Variants in ARHGDIA observed in about 807,000 individuals in gnomAD.
The protein encoded by ARHGDIA is rho GDP-dissociation inhibitor 1.
A neutral mutation model predicts 25.0 loss-of-function variants in ARHGDIA; 9 were observed. The ratio of observed to expected loss-of-function variants is 0.36; its 90% CI spans 0.22 to 0.63. ARHGDIA has a LOEUF of 0.63. Among genes scored for constraint, ARHGDIA ranks in the 20% least tolerant of loss-of-function variants. The pLI, the probability that ARHGDIA is intolerant of heterozygous loss-of-function variation, is 0.69. For synonymous variants in ARHGDIA, 166 were observed against 111.5 expected, an observed-to-expected ratio of 1.49 and a Z score of -3.08; for missense variants, 239 against 264.3, an observed-to-expected ratio of 0.90 and a Z score of 0.66.
chr17:81,867,960 C>G lies in ARHGDIA; in HGVS notation c.*916G>C, dbSNP rs907776367. ...CCAGGCCAGTGGCCCAGGGACGGCA[C>G]GGACGGAGGCAATAAATACTGATGG... is the stretch of plus-strand genomic sequence containing the variant. On this transcript the variant is annotated 3_prime_UTR_variant, in exon 6 of 6. Transcript: ENST00000269321. 6.0e-6 allele frequency: 1 copy of G among 166,900 alleles called. No homozygotes were observed. The highest frequency in any genetic ancestry group is 2.4e-5 in the African/African-American group (1 of 41,940). 10.3% of individuals were successfully genotyped at this position (166,900 alleles called of 1,614,324 possible).
chr17:81,869,697 T>C lies in ARHGDIA; in HGVS notation c.190+44A>G, dbSNP rs1227602980. 1.9e-6 allele frequency: 3 copies of C among 1,581,428 alleles called. No homozygotes were observed. The Admixed American group carries it at 5.4e-5, about 28-fold the overall frequency. On this transcript the variant is annotated intron_variant, in intron 2 of 5. Coordinates refer to ENST00000269321, the MANE Select transcript of ARHGDIA (RefSeq NM_004309.6). ...AGGGGCTGGGGAGCGGCAAGACAGC[T>C]GGAGTGAACGGGCGGCCACCCGGCT...
Position 81,868,884 on chromosome 17 carries a change from TC to T in ARHGDIA, c.606del (p.Trp202Ter). 6.2e-7 allele frequency: 1 copy of T among 1,613,274 alleles called. No homozygotes were observed. The highest frequency in any genetic ancestry group is 8.5e-7 in the Non-Finnish European group (1 of 1,179,860). ...WEWNLTIKKD[W>X]KD ...CCCGCCTCTGGCTGGGCTCAGTCCT[TC>T]CAGTCCTTCTTGATGGTGAGATTCC... On this transcript the variant is annotated frameshift_variant, in exon 6 of 6. Coordinates refer to ENST00000269321, the MANE Select transcript of ARHGDIA (RefSeq NM_004309.6). LOFTEE classifies it high-confidence loss of function.
chr17:81,869,273 C>T, intron 4 of ARHGDIA, 37 bp from the exon 5 acceptor site: 1 of 1,614,088 alleles, frequency 6.2e-7, no homozygotes. Flanking sequence ...GAAGGTCGGT[C>T]CGGACCCCAG....
Position 81,869,851 on chromosome 17 carries a change from T to C in ARHGDIA, c.80A>G (p.Tyr27Cys). The change falls in exon 2 of 6, where the codon TAC (tyrosine) becomes TGC (cysteine). Residue 27 changes from tyrosine to cysteine, a missense_variant. This residue lies in a region of ARHGDIA where 135 missense variants were observed against 119.8 expected (regional missense o/e 1.13). Transcript: ENST00000269321. ...ENEEDEHSVN[Y>C]KPPAQKSIQE... ...GATGCTCTTCTGGGCCGGGGGCTTG[T>C]AGTTGACCGAGTGCTCATCCTCCTC... 6.2e-7 allele frequency: 1 copy of C among 1,614,116 alleles called. No individual in the cohort carries two copies. Among genetic ancestry groups the C allele is most frequent in the Non-Finnish European group, 8.5e-7 (1 of 1,180,018 alleles).
chr17:81,869,139 C>CG, intron 5 of ARHGDIA, 34 bp downstream of exon 5: 5 of 1,613,060 alleles, frequency 3.1e-6, no homozygotes, highest in Non-Finnish European at 3.4e-6. Context: ...CGCACCCAAG[C>CG]GGCCCCCTCT....
intron 1 of ARHGDIA, 34 bp downstream of exon 1, chr17:81,871,264 G>A: frequency 7.3e-6 from 1 of 137,064 alleles, no homozygotes; most frequent in East Asian, 2.4e-4. Context: ...CGCCGCCTCC[G>A]CCCCGCCGCC....
In ARHGDIA at chr17:81,869,341, T is replaced by C; in HGVS notation, c.340A>G (p.Ile114Val). 2 of 1,613,838 alleles carry C rather than the reference T, an allele frequency of 1.2e-6. No individual in the cohort carries two copies. The highest frequency in any genetic ancestry group is 1.1e-5 in the South Asian group (1 of 91,074). ...LKEGVEYRIK[I>V]SFRVNREIVS... Reference sequence around the variant, plus strand: ...AGCCTGTAGCTTACCCGGAAAGAGATTTTTATCCGGTACTCCACACCCTCC... The same window carrying C: ...AGCCTGTAGCTTACCCGGAAAGAGACTTTTATCCGGTACTCCACACCCTCC... The change falls in exon 4 of 6, where the codon ATC becomes GTC. Residue 114 changes from isoleucine to valine, a missense_variant. By Grantham distance (29) the Ile-to-Val change is conservative. Around this residue, in one of 3 missense-constraint regions of ARHGDIA, gnomAD observed 75 missense variants for 122.4 expected, o/e 0.61. Transcript: ENST00000269321.
intron 5 of ARHGDIA, 28 bp from the exon 6 acceptor site, chr17:81,869,103 C>T: frequency 1.2e-6 from 2 of 1,612,522 alleles, no homozygotes; most frequent in South Asian, 1.1e-5. Context: ...GGGCGGTCAG[C>T]GGCCCCGCTT....
In ARHGDIA at chr17:81,869,228, T is replaced by C. The variant is rs907672631; in HGVS notation, c.360A>G (p.Arg120=). 6.2e-7 allele frequency: 1 copy of C among 1,613,878 alleles called. No homozygotes were observed. The highest frequency in any genetic ancestry group is 1.7e-5 in the Admixed American group (1 of 60,006). The part of the protein sequence containing the change: ...YRIKISFRVN[R]EIVSGMKYIQ... ...TGTACTTCATGCCGGACACTATCTCTCGGTTAACCTGCAGGACCCGAAGCG... is the reference window on the plus strand; with the variant it reads ...TGTACTTCATGCCGGACACTATCTCCCGGTTAACCTGCAGGACCCGAAGCG... Residue 120 remains arginine (R), a synonymous_variant, in exon 5 of 6, where the codon CGA becomes CGG. Coordinates refer to ENST00000269321, the MANE Select transcript of ARHGDIA (RefSeq NM_004309.6).
rs1312161834 is a variant in ARHGDIA at position 81,868,716 on chromosome 17, C to T, written c.*160G>A. The T allele has an allele frequency of 4.1e-6, 6 of 1,461,112 alleles. No homozygotes were observed. The highest frequency in any genetic ancestry group is 1.2e-5 in the South Asian group (1 of 81,748). The allele number at this position is 1,461,112 out of a possible 1,614,324, so 90.5% of individuals were successfully genotyped here. ...GTGGGGGAGGGCTGAGGAGGGGGGT[C>T]GGAGGCACTCGGTTGAGCCAGGCCA... On this transcript the variant is annotated 3_prime_UTR_variant, in exon 6 of 6. Coordinates refer to ENST00000269321, the MANE Select transcript of ARHGDIA (RefSeq NM_004309.6).
rs2039165895 is a variant in ARHGDIA at position 81,868,931 on chromosome 17, G to T, written c.560C>A (p.Thr187Asn). The T allele has an allele frequency of 6.2e-7, 1 of 1,613,762 alleles. No homozygotes were observed. Among genetic ancestry groups the T allele is most frequent in the African/African-American group, 1.3e-5 (1 of 74,996 alleles). The change falls in exon 6 of 6, where the codon ACC becomes AAC. Residue 187 changes from threonine (T) to asparagine (N), a missense_variant. Physicochemically the swap from Thr to Asn is moderately conservative, Grantham distance 65. Around this residue, in one of 3 missense-constraint regions of ARHGDIA, gnomAD observed 29 missense variants for 22.0 expected, o/e 1.32. Transcript: ENST00000269321. ...ATTCCACTCCCAGGACAGGTGGTCG[G>T]TCTTGTCGTCGTCTGTGAAGCGGGA... ...IKSRFTDDDKTDHLSWEWNLT... is the reference protein window; with the variant it reads ...IKSRFTDDDKNDHLSWEWNLT...
chr17:81,869,577 C>G lies in ARHGDIA; in HGVS notation c.239G>C (p.Ser80Thr), dbSNP rs201081362. ...VVVTGLTLVC[S>T]SAPGPLELDL... ...CAGCTCCAGGGGGCCCGGGGCCGAG[C>G]TGCACACCAGGGTCAGGCCAGTCAC... The change falls in exon 3 of 6, where the codon AGC becomes ACC. Residue 80 changes from serine (S) to threonine (T), a missense_variant. Ser to Thr is a moderately conservative substitution (Grantham distance 58). This residue lies in a region of ARHGDIA where 135 missense variants were observed against 119.8 expected (regional missense o/e 1.13). Coordinates refer to ENST00000269321, the MANE Select transcript of ARHGDIA (RefSeq NM_004309.6). 9.7e-6 allele frequency: 15 copies of G among 1,542,658 alleles called. No homozygotes were observed. The East Asian group carries it at 3.4e-4, about 35-fold the overall frequency.
chr17:81,868,888 G>A lies in ARHGDIA; in HGVS notation c.603C>T (p.Asp201=), dbSNP rs757596677. 1 of 1,613,448 alleles carries A rather than the reference G, an allele frequency of 6.2e-7. No homozygotes were observed. The highest frequency in any genetic ancestry group is 1.1e-5 in the South Asian group (1 of 91,068). Residue 201 remains aspartate, a synonymous_variant, in exon 6 of 6, where the codon GAC becomes GAT. Coordinates refer to ENST00000269321, the MANE Select transcript of ARHGDIA (RefSeq NM_004309.6). ...CCTCTGGCTGGGCTCAGTCCTTCCAGTCCTTCTTGATGGTGAGATTCCACT... is the reference window on the plus strand; with the variant it reads ...CCTCTGGCTGGGCTCAGTCCTTCCAATCCTTCTTGATGGTGAGATTCCACT... ...SWEWNLTIKK[D]WKD
rs1166209942 is a variant in ARHGDIA, at chr17:81,868,302, C to T, written c.*574G>A. On this transcript the variant is annotated 3_prime_UTR_variant, in exon 6 of 6. Coordinates refer to ENST00000269321, the MANE Select transcript of ARHGDIA (RefSeq NM_004309.6). Reference sequence around the variant, plus strand: ...CGCCACCGGGGAAGGGACGGGGAGGCCACATGCTCATGCAGACACAGGGAG... The same window carrying T: ...CGCCACCGGGGAAGGGACGGGGAGGTCACATGCTCATGCAGACACAGGGAG... 2.1e-5 allele frequency: 29 copies of T among 1,383,460 alleles called. No individual in the cohort carries two copies. Among genetic ancestry groups the T allele is most frequent in the Non-Finnish European group, 2.7e-5 (29 of 1,061,436 alleles). The allele number at this position is 1,383,460 out of a possible 1,614,324, so 85.7% of individuals were successfully genotyped here.
rs750195456 is a variant in ARHGDIA at position 81,868,769 on chromosome 17, C to T, written c.*107G>A. 1.3e-5 allele frequency: 16 copies of T among 1,223,348 alleles called. No homozygotes were observed. The Admixed American group carries it at 2.2e-4, about 17-fold the overall frequency. The allele number at this position is 1,223,348 out of a possible 1,614,324, so 75.8% of individuals were successfully genotyped here. A position where few individuals can be genotyped will look rare whatever the true frequency, so the allele number is the denominator to read the frequency against. On this transcript the variant is annotated 3_prime_UTR_variant, in exon 6 of 6. Coordinates refer to ENST00000269321, the MANE Select transcript of ARHGDIA (RefSeq NM_004309.6). ...GAGGCGGACCAGGGTGGGAGGGGCA[C>T]GGAGGGCCTGTCAGCACTTTGGTAT... is the stretch of plus-strand genomic sequence containing the variant.
chr17:81,868,140 G>A lies in ARHGDIA; in HGVS notation c.*736C>T. ...CCTGGATGGTACTGAGGTGACTTGA[G>A]TTTTGGCAATTTGGCTTTCCCCAAG... On this transcript the variant is annotated 3_prime_UTR_variant, in exon 6 of 6. Transcript: ENST00000269321. The A allele has an allele frequency of 2.0e-6, 1 of 491,182 alleles. No individual in the cohort carries two copies. The highest frequency in any genetic ancestry group is 3.1e-5 in the East Asian group (1 of 32,404). 30.4% of individuals were successfully genotyped at this position (491,182 alleles called of 1,614,324 possible).
intron 1 of ARHGDIA, chr17:81,870,291 C>T (rs894610811): frequency 1.0e-5 from 3 of 295,110 alleles, no homozygotes; most frequent in Admixed American, 9.1e-5. Flanking sequence ...CCACACTAAA[C>T]CCTCTCTTAG....
At position 81,867,866 on chromosome 17, in the gene ARHGDIA, G is replaced by C. The variant is rs1490776305; in HGVS notation, c.*1010C>G. 6.5e-6 allele frequency: 1 copy of C among 154,388 alleles called. No individual in the cohort carries two copies. The highest frequency in any genetic ancestry group is 1.4e-5 in the Non-Finnish European group (1 of 69,418). The allele number at this position is 154,388 out of a possible 1,614,324, so 9.6% of individuals were successfully genotyped here. A position where few individuals can be genotyped will look rare whatever the true frequency, so the allele number is the denominator to read the frequency against. On this transcript the variant is annotated 3_prime_UTR_variant, in exon 6 of 6. Transcript: ENST00000269321. ...CAGCAATGTGTGCACTTGGTCCCTT[G>C]TTTGTTCCTGGCTGGGTCAGGGAAG...
rs770777679 is a variant in ARHGDIA at position 81,868,421 on chromosome 17, G to C, written c.*455C>G. 8 of 1,457,028 alleles carry C rather than the reference G, an allele frequency of 5.5e-6. No homozygotes were observed. In the African/African-American group the frequency reaches 1.1e-4, roughly 21 times the overall value. The allele number at this position is 1,457,028 out of a possible 1,614,324, so 90.3% of individuals were successfully genotyped here. ...CGACAAGGGGGCTGGCCAGGGAGCA[G>C]CGGGGCTGGAGGACGGCCCGGCCCC... On this transcript the variant is annotated 3_prime_UTR_variant, in exon 6 of 6. Coordinates refer to ENST00000269321, the MANE Select transcript of ARHGDIA (RefSeq NM_004309.6).
Sources: gnomAD v4.1 joint callset for allele counts on GRCh38, gnomAD v4.1.1 for gene constraint, gnomAD v4.1.1 regional missense constraint, MANE v1.5 for transcripts, NCBI Gene and HGNC (gene_info 2026-07-23, HGNC 2026-07-21) for gene names.